The following DLGAP1 variants were observed in gnomAD, a reference collection of about 807,000 sequenced individuals.
DLGAP1 encodes DLG associated protein 1, also known as disks large-associated protein 1.
Under a neutral mutation model 90.8 loss-of-function variants are expected in DLGAP1, and 11 were observed. The observed-to-expected ratio is 0.12, with a 90% CI of 0.08 to 0.20. DLGAP1 has a LOEUF of 0.20. DLGAP1 is among the 10% of genes least tolerant of loss of function. The pLI is 1.00. For synonymous variants in DLGAP1, 558 were observed against 540.7 expected (o/e 1.03, Z -0.44); for missense variants, 1,050 against 1,333.8 (o/e 0.79, Z 3.31).
chr18:3,584,480 G>C (rs1191816970), intron 7 of DLGAP1, among the ~76,000 whole-genome samples: 1 of 152,170 alleles, frequency 6.6e-6, no homozygotes, highest in Non-Finnish European at 1.5e-5. Context: ...CTATTATGCT[G>C]TCCTGCTGTT....
intron 1 of DLGAP1, among the ~76,000 whole-genome samples, chr18:4,257,376 C>T (rs1308660375): frequency 6.6e-6 from 1 of 152,158 alleles, no homozygotes; most frequent in East Asian, 1.9e-4. Context: ...GTTAAATCTA[C>T]AATTTGGAAT....
At chr18:4,096,436 T>C (rs34251568) in intron 2 of DLGAP1, among the ~76,000 whole-genome samples, 36,838 of 152,168 alleles carry the variant, frequency 0.24, 5,501 homozygotes, top group Non-Finnish European at 0.35. Context: ...CCATATTTTA[T>C]CAGAAAAACC....
At chr18:4,340,279 G>A (rs1263065480) in intron 1 of DLGAP1, among the ~76,000 whole-genome samples, 1 of 152,184 alleles carries the variant, frequency 6.6e-6, no homozygotes, top group Non-Finnish European at 1.5e-5. Context: ...TGGGTGGGGA[G>A]TGTAGACCCT....
intron 2 of DLGAP1, among the ~76,000 whole-genome samples, chr18:4,088,016 T>TA (rs2075712413): frequency 6.6e-6 from 1 of 151,830 alleles, no homozygotes; most frequent in South Asian, 2.1e-4. Context: ...TCTGTTTTTT[T>TA]AATTAAATAA....
chr18:4,337,329 G>A (rs2081092833), intron 1 of DLGAP1, among the ~76,000 whole-genome samples: 1 of 149,922 alleles, frequency 6.7e-6, no homozygotes, highest in Non-Finnish European at 1.5e-5. Context: ...GAGTAGCTGG[G>A]ACTACAGGTG....
intron 1 of DLGAP1, among the ~76,000 whole-genome samples, chr18:4,279,294 A>AT (rs142415505): frequency 0.16 from 24,965 of 151,904 alleles, 2,847 homozygotes; most frequent in African/African-American, 0.32. Flanking sequence ...CATCCAAATA[A>AT]TTTTTTTTAC....
At chr18:4,005,777 C>A (rs1021562743) in intron 2 of DLGAP1, among the ~76,000 whole-genome samples, 1 of 152,210 alleles carries the variant, frequency 6.6e-6, no homozygotes, top group Admixed American at 6.5e-5. Context: ...CTAAAAGCTA[C>A]AGCTTCAAAA....
chr18:3,715,105 C>T (rs541864061), intron 7 of DLGAP1, among the ~76,000 whole-genome samples: 1 of 152,216 alleles, frequency 6.6e-6, no homozygotes, highest in Non-Finnish European at 1.5e-5. Flanking sequence ...AGAAGCTCAA[C>T]TGCTTATTTC....
At chr18:4,435,495 G>A (rs1284214642) in intron 1 of DLGAP1, among the ~76,000 whole-genome samples, 3 of 152,064 alleles carry the variant, frequency 2.0e-5, no homozygotes, top group Admixed American at 2.0e-4. Context: ...ATAGAAGGGG[G>A]AAGAGAGGGG....
chr18:3,766,467 C>T (rs1376096506), intron 5 of DLGAP1, among the ~76,000 whole-genome samples: 1 of 152,032 alleles, frequency 6.6e-6, no homozygotes, highest in African/African-American at 2.4e-5. Flanking sequence ...ACTCCATAAA[C>T]CAATAGACTC....
chr18:3,805,209 C>T lies in DLGAP1; in HGVS notation c.1172+8850G>A, dbSNP rs144401716. On this transcript the variant is annotated intron_variant, in intron 5 of 12. Coordinates refer to ENST00000315677, the MANE Select transcript of DLGAP1 (RefSeq NM_004746.4). ...CACCTTCTCGAATCTGCATAATTACCCTTGAACAACCAGTGGCTTGTTGAA... is the reference window on the plus strand; with the variant it reads ...CACCTTCTCGAATCTGCATAATTACTCTTGAACAACCAGTGGCTTGTTGAA... Among the ~76,000 whole-genome samples, 39 of 152,288 alleles carry T rather than the reference C, an allele frequency of 2.6e-4. No individual in the cohort carries two copies. In the East Asian group the frequency reaches 5.0e-3, roughly 20 times the overall value.
At chr18:4,096,671 T>C (rs1477763469) in intron 2 of DLGAP1, among the ~76,000 whole-genome samples, 1 of 152,216 alleles carries the variant, frequency 6.6e-6, no homozygotes, top group African/African-American at 2.4e-5. Context: ...CAAGGGAGAA[T>C]GGAGCCGAAT....
At chr18:4,036,117 C>T (rs1598280302) in intron 2 of DLGAP1, among the ~76,000 whole-genome samples, 1 of 152,098 alleles carries the variant, frequency 6.6e-6, no homozygotes, top group East Asian at 1.9e-4. Flanking sequence ...TTTGCAAGTT[C>T]TATGACAGCT....
At chr18:3,700,402 C>T (rs570017054) in intron 7 of DLGAP1, among the ~76,000 whole-genome samples, 2 of 152,174 alleles carry the variant, frequency 1.3e-5, no homozygotes, top group South Asian at 2.1e-4. Flanking sequence ...TTGTGCTTCC[C>T]GAGTAAGGCA....
At chr18:3,647,161 G>A (rs982260097) in intron 7 of DLGAP1, among the ~76,000 whole-genome samples, 2 of 151,802 alleles carry the variant, frequency 1.3e-5, no homozygotes, top group Non-Finnish European at 2.9e-5. Flanking sequence ...GGCTGAGTCA[G>A]GAGAATCGCT....
intron 1 of DLGAP1, among the ~76,000 whole-genome samples, chr18:4,160,217 T>C (rs2076822037): frequency 6.6e-6 from 1 of 152,228 alleles, no homozygotes; most frequent in Non-Finnish European, 1.5e-5. Flanking sequence ...CTGGAGATTT[T>C]GATATTTGTT....
At chr18:3,801,995 GTT>G (rs142173022) in intron 5 of DLGAP1, among the ~76,000 whole-genome samples, 1 of 140,154 alleles carries the variant, frequency 7.1e-6, no homozygotes, top group East Asian at 2.1e-4. Context: ...TTGTTTGTTT[GTT>G]TTTTTGAGAT....
At chr18:4,102,342 G>T (rs1351432218) in intron 2 of DLGAP1, among the ~76,000 whole-genome samples, 2 of 152,156 alleles carry the variant, frequency 1.3e-5, no homozygotes, top group Admixed American at 6.5e-5. Flanking sequence ...AGGATTCGAG[G>T]TGGGTTTATA....
intron 2 of DLGAP1, among the ~76,000 whole-genome samples, chr18:4,062,401 G>T (rs1568375767): frequency 6.6e-6 from 1 of 152,090 alleles, no homozygotes; most frequent in Middle Eastern, 3.2e-3. Flanking sequence ...CCGTGTACAG[G>T]GTACCTGATT....
Sources: gnomAD v4.1 joint callset for allele counts (sites outside exome capture counted in the v4.1 genomes callset) on GRCh38, gnomAD v4.1.1 for gene constraint, MANE v1.5 for transcripts, NCBI Gene and HGNC (gene_info 2026-07-23, HGNC 2026-07-21) for gene names.